DGKD: variants seen among roughly 807,000 people sequenced by gnomAD.
DGKD encodes diacylglycerol kinase delta.
DGKD carries 68 observed loss-of-function variants against 154.4 expected under a neutral mutation model. That is an observed-to-expected ratio of 0.44 (90% CI 0.36 to 0.54). DGKD has a LOEUF of 0.54. Ranked by LOEUF, DGKD falls within the 20% of genes least tolerant of loss-of-function variation. The pLI, the probability that DGKD is intolerant of heterozygous loss-of-function variation, is 0.00. For synonymous variants in DGKD, 693 were observed against 638.0 expected (o/e 1.09, Z -1.30); for missense variants, 1,343 against 1,593.6 (o/e 0.84, Z 2.68).
chr2:233,402,867 C>A (rs1241281460), intron 3 of DGKD, among the ~76,000 whole-genome samples: 1 of 152,212 alleles, frequency 6.6e-6, no homozygotes, highest in Admixed American at 6.5e-5. Context: ...AAACTGTCTA[C>A]TGAGTGCCTG....
chr2:233,419,201 C>G (rs2125539273), intron 3 of DGKD: 1 of 985,138 alleles, frequency 1.0e-6, no homozygotes, highest in East Asian at 1.1e-4. Flanking sequence ...CAGAGTGTTT[C>G]CGAGTGCCTC....
Position 233,354,894 on chromosome 2 carries a change from C to T in DGKD, c.156+220C>T, listed in dbSNP as rs1439364755. Among the ~76,000 whole-genome samples the T allele has an allele frequency of 2.1e-5, 3 of 144,936 alleles. No homozygotes were observed. Among genetic ancestry groups the T allele is most frequent in the Non-Finnish European group, 4.6e-5 (3 of 65,322 alleles). ...GACGGACGGCGGGCGGCTGTGGGGC[C>T]GGGCGGGGGGCGCGCAGGTGGGCGC... On this transcript the variant is annotated intron_variant, in intron 1 of 29. Coordinates refer to ENST00000264057, the MANE Select transcript of DGKD (RefSeq NM_152879.3). This position sits in a 1 kb window ranked among gnomAD's most constrained non-coding sequence, Gnocchi z 4.8.
intron 28 of DGKD, 66 bp downstream of exon 28, chr2:233,467,269 G>A: frequency 8.6e-7 from 1 of 1,164,736 alleles, no homozygotes; most frequent in Non-Finnish European, 1.3e-6. Flanking sequence ...CCGTTCCCCT[G>A]GTCTCTGCTT....
chr2:233,464,120 G>A, intron 26 of DGKD, 44 bp from the exon 27 acceptor site: 2 of 1,612,466 alleles, frequency 1.2e-6, no homozygotes, highest in East Asian at 2.2e-5. Flanking sequence ...CTGATCAGCA[G>A]TGCACACTCT....
chr2:233,426,146 AAC>A (rs1223628762), intron 3 of DGKD, among the ~76,000 whole-genome samples: 3 of 152,216 alleles, frequency 2.0e-5, no homozygotes, highest in Non-Finnish European at 4.4e-5. Flanking sequence ...ATCCATTTCT[AAC>A]ACTGTTTTAA....
chr2:233,409,528 T>C (rs1379905419), intron 3 of DGKD, among the ~76,000 whole-genome samples: 1 of 151,950 alleles, frequency 6.6e-6, no homozygotes, highest in East Asian at 1.9e-4. Flanking sequence ...TCCTTGAAAG[T>C]TACAAAAATG....
intron 3 of DGKD, among the ~76,000 whole-genome samples, chr2:233,394,683 TTAATTC>T (rs1703878790): frequency 6.8e-6 from 1 of 146,264 alleles, no homozygotes; most frequent in African/African-American, 2.5e-5. Flanking sequence ...TATTTTGAAT[TTAATTC>T]CCTTTTTTTT....
At chr2:233,456,659 G>C (rs763392242) in intron 19 of DGKD, among the ~76,000 whole-genome samples, 1 of 152,154 alleles carries the variant, frequency 6.6e-6, no homozygotes, top group Admixed American at 6.5e-5. Flanking sequence ...TTACCTTTCA[G>C]GGTATGATTA....
At chr2:233,412,715 G>GT (rs2061857401) in intron 3 of DGKD, among the ~76,000 whole-genome samples, 1 of 152,090 alleles carries the variant, frequency 6.6e-6, no homozygotes, top group African/African-American at 2.4e-5. Context: ...TAAATGTGAT[G>GT]TTAGCTGTAG....
intron 3 of DGKD, among the ~76,000 whole-genome samples, chr2:233,400,694 C>T (rs951934055): frequency 3.9e-5 from 6 of 152,146 alleles, no homozygotes; most frequent in African/African-American, 1.4e-4. Flanking sequence ...TGAGCTCTCT[C>T]GGGTAGCCCT....
At chr2:233,431,609 A>G (rs1042516469) in intron 3 of DGKD, among the ~76,000 whole-genome samples, 3 of 152,256 alleles carry the variant, frequency 2.0e-5, no homozygotes, top group Non-Finnish European at 4.4e-5. Context: ...ACGGCGTGGT[A>G]CTGGCATAAA....
intron 3 of DGKD, among the ~76,000 whole-genome samples, chr2:233,400,929 A>G (rs2061544815): frequency 6.6e-6 from 1 of 152,046 alleles, no homozygotes; most frequent in African/African-American, 2.4e-5. Flanking sequence ...CGGTATTTCC[A>G]AAGTGTGAGC....
intron 1 of DGKD, among the ~76,000 whole-genome samples, chr2:233,360,984 GTTTTTTTTT>G (rs10580286): frequency 0.36 from 46,954 of 129,540 alleles, 8,262 homozygotes; most frequent in Middle Eastern, 0.53. Context: ...AGACAGTCAA[GTTTTTTTTT>G]TTTTTTTTTT....
intron 1 of DGKD, among the ~76,000 whole-genome samples, chr2:233,362,809 G>T (rs1701845257): frequency 6.6e-6 from 1 of 152,190 alleles, no homozygotes; most frequent in African/African-American, 2.4e-5. Flanking sequence ...TCCGGATGAT[G>T]ATCCACATGG....
rs1263418235 is a variant in DGKD, at chr2:233,451,952, T to C, written c.2168-12T>C. 3.7e-6 allele frequency: 6 copies of C among 1,613,430 alleles called. 1 individual carries two copies. In the Admixed American group the frequency reaches 8.3e-5, roughly 22 times the overall value. Reference sequence around the variant, plus strand: ...TGACCAGCACCACCTCTTTCTTGTATCTCCTTTACAGATGTCCGGGCTGGA... The same window carrying C: ...TGACCAGCACCACCTCTTTCTTGTACCTCCTTTACAGATGTCCGGGCTGGA... On this transcript the variant is annotated splice_polypyrimidine_tract_variant and intron_variant, in intron 17 of 29. Coordinates refer to ENST00000264057, the MANE Select transcript of DGKD (RefSeq NM_152879.3).
chr2:233,465,426 T>G (rs2063794515), intron 27 of DGKD, among the ~76,000 whole-genome samples: 1 of 152,146 alleles, frequency 6.6e-6, no homozygotes, highest in South Asian at 2.1e-4. Context: ...ACAACATTCT[T>G]GACTTTCATA....
chr2:233,454,533 AAAATC>A (rs1490917579), intron 18 of DGKD: 2 of 512,504 alleles, frequency 3.9e-6, no homozygotes, highest in Non-Finnish European at 7.5e-6. Context: ...GAAATGCTCT[AAAATC>A]GATTATCTAG....
rs981786961 is a variant in DGKD, at chr2:233,449,430, C to T, written c.1888+54C>T. ...TTCCTCAGGCCAGCACTGGGCATGC[C>T]CAGCGTCCCCTGAACACGGAGATGA... On this transcript the variant is annotated intron_variant, in intron 15 of 29. Transcript: ENST00000264057. The surrounding 1 kb of genome is among the most constrained non-coding windows in gnomAD (Gnocchi z 5.3). 3 of 1,542,958 alleles carry T rather than the reference C, an allele frequency of 1.9e-6. No homozygotes were observed. In the African/African-American group the frequency reaches 4.1e-5, roughly 21 times the overall value.
chr2:233,446,922 C>T, intron 12 of DGKD, 126 bp downstream of exon 12: 2 of 1,088,268 alleles, frequency 1.8e-6, no homozygotes, highest in Non-Finnish European at 2.6e-6. Context: ...CACAGTCAGG[C>T]CTGCGGAGGC....
Sources: gnomAD v4.1 joint callset for allele counts (sites outside exome capture counted in the v4.1 genomes callset) on GRCh38, gnomAD v4.1.1 for gene constraint, Gnocchi (gnomAD v3.1) non-coding constraint, MANE v1.5 for transcripts, NCBI Gene and HGNC (gene_info 2026-07-23, HGNC 2026-07-21) for gene names.